NRG3: variants seen among roughly 807,000 people sequenced by gnomAD.
NRG3 encodes the protein pro-neuregulin-3, membrane-bound isoform.
A neutral mutation model predicts 66.9 loss-of-function variants in NRG3; 31 were observed. That is an observed-to-expected ratio of 0.46 (90% CI 0.35 to 0.63). The LOEUF (loss-of-function observed/expected upper bound fraction) is 0.63, where lower values mean the gene tolerates loss of function less well. Among genes scored for constraint, NRG3 ranks in the 20% least tolerant of loss-of-function variants. The pLI is 0.00. For synonymous variants in NRG3, 393 were observed against 359.4 expected (o/e 1.09, Z -1.06); for missense variants, 910 against 878.9 (o/e 1.04, Z -0.45).
intron 1 of NRG3, among the ~76,000 whole-genome samples, chr10:81,938,253 A>T (rs947663465): frequency 8.6e-5 from 13 of 152,014 alleles, no homozygotes; most frequent in Non-Finnish European, 1.9e-4. Context: ...TAAAAAAAAA[A>T]TTTCTGCAAA....
intron 2 of NRG3, among the ~76,000 whole-genome samples, chr10:82,501,980 G>A (rs1844235037): frequency 6.6e-6 from 1 of 152,132 alleles, no homozygotes; most frequent in Non-Finnish European, 1.5e-5. Flanking sequence ...GAGCCGCTCA[G>A]TGAATGATTG....
chr10:82,242,633 G>A (rs112222638), intron 1 of NRG3, among the ~76,000 whole-genome samples: 5,604 of 152,198 alleles, frequency 0.037, 161 homozygotes, highest in African/African-American at 0.08. Flanking sequence ...TTCAAAATTG[G>A]GGGAAGAGCT....
intron 1 of NRG3, among the ~76,000 whole-genome samples, chr10:82,275,233 A>C (rs1589555002): frequency 6.6e-6 from 1 of 151,982 alleles, no homozygotes; most frequent in Non-Finnish European, 1.5e-5. Context: ...TGCTCAGTCT[A>C]CCATCTTGAA....
chr10:82,938,418 C>G (rs533608981), intron 4 of NRG3, among the ~76,000 whole-genome samples: 2 of 152,308 alleles, frequency 1.3e-5, no homozygotes, highest in East Asian at 1.9e-4. Flanking sequence ...TATGCCTGCT[C>G]TATGCAGTCT....
At chr10:82,042,189 ATTTTTTTAAAAAAAT>A (rs1438070110) in intron 1 of NRG3, among the ~76,000 whole-genome samples, 1 of 152,050 alleles carries the variant, frequency 6.6e-6, no homozygotes, top group African/African-American at 2.4e-5. Context: ...AGAGAACAGA[ATTTTTTTAAAAAAAT>A]TTGAGTATAT....
intron 1 of NRG3, among the ~76,000 whole-genome samples, chr10:81,965,612 A>C (rs2059702756): frequency 6.6e-6 from 1 of 152,162 alleles, no homozygotes; most frequent in Admixed American, 6.5e-5. Flanking sequence ...TCATTTCCAT[A>C]ATTTTGTCCT....
intron 2 of NRG3, among the ~76,000 whole-genome samples, chr10:82,718,733 C>T (rs1034509093): frequency 1.1e-4 from 16 of 152,130 alleles, no homozygotes; most frequent in Admixed American, 7.2e-4. Flanking sequence ...TGACTTCTGC[C>T]GTTTCTACAT....
At chr10:82,109,355 A>C (rs1230151880) in intron 1 of NRG3, among the ~76,000 whole-genome samples, 1 of 152,190 alleles carries the variant, frequency 6.6e-6, no homozygotes, top group Non-Finnish European at 1.5e-5. Flanking sequence ...TGCAACAATC[A>C]TGACCATTTA....
intron 2 of NRG3, among the ~76,000 whole-genome samples, chr10:82,558,549 G>A (rs944455616): frequency 2.6e-5 from 4 of 152,076 alleles, no homozygotes; most frequent in Non-Finnish European, 2.9e-5. Context: ...GGGGTTCCTC[G>A]ATTGCATTAC....
chr10:82,297,692 GTTA>G (rs2080150998), intron 1 of NRG3, among the ~76,000 whole-genome samples: 1 of 151,804 alleles, frequency 6.6e-6, no homozygotes, highest in African/African-American at 2.4e-5. Flanking sequence ...ATAAATATAG[GTTA>G]TTATAACATA....
At chr10:81,977,619 A>G (rs910462824) in intron 1 of NRG3, among the ~76,000 whole-genome samples, 1 of 152,120 alleles carries the variant, frequency 6.6e-6, no homozygotes, top group Non-Finnish European at 1.5e-5. Context: ...TTTCCAAAAT[A>G]CTCTTTGTCA....
At chr10:82,884,264 A>G (rs1256422218) in intron 4 of NRG3, among the ~76,000 whole-genome samples, 5 of 152,138 alleles carry the variant, frequency 3.3e-5, no homozygotes, top group African/African-American at 1.2e-4. Context: ...ACTGTCTTTT[A>G]GCAACTTCTA....
chr10:82,876,554 C>T (rs955710849), intron 4 of NRG3, among the ~76,000 whole-genome samples: 1 of 152,174 alleles, frequency 6.6e-6, no homozygotes, highest in Non-Finnish European at 1.5e-5. Context: ...GGACATTGGA[C>T]TTATCAAATC....
chr10:82,241,733 A>C (rs2077014935), intron 1 of NRG3, among the ~76,000 whole-genome samples: 1 of 152,202 alleles, frequency 6.6e-6, no homozygotes, highest in Non-Finnish European at 1.5e-5. Context: ...TGGAGGTTAA[A>C]TTCCCCCAGT....
At chr10:81,928,287 A>C (rs1334569633) in intron 1 of NRG3, among the ~76,000 whole-genome samples, 1 of 152,250 alleles carries the variant, frequency 6.6e-6, no homozygotes, top group Middle Eastern at 3.4e-3. Context: ...TTTTACCAGA[A>C]TATCCAGAGC....
At chr10:82,741,162 C>T (rs909634434) in intron 3 of NRG3, among the ~76,000 whole-genome samples, 1 of 152,090 alleles carries the variant, frequency 6.6e-6, no homozygotes, top group African/African-American at 2.4e-5. Context: ...CATCCATGCA[C>T]ACGTGCATTT....
chr10:82,212,963 G>A (rs2075476419), intron 1 of NRG3, among the ~76,000 whole-genome samples: 1 of 152,138 alleles, frequency 6.6e-6, no homozygotes, highest in Non-Finnish European at 1.5e-5. Context: ...GATGCAATTA[G>A]CACAGACTGG....
chr10:82,068,285 G>A (rs980317424), intron 1 of NRG3, among the ~76,000 whole-genome samples: 3 of 152,174 alleles, frequency 2.0e-5, no homozygotes, highest in Admixed American at 6.6e-5. Context: ...GCCACTGCAC[G>A]TGATACAGAA....
At chr10:82,426,753 C>A (rs1462997349) in intron 2 of NRG3, among the ~76,000 whole-genome samples, 1 of 151,696 alleles carries the variant, frequency 6.6e-6, no homozygotes, top group Non-Finnish European at 1.5e-5. Context: ...CCAGCCTCAG[C>A]CTCCTGAATA....
Sources: gnomAD v4.1 joint callset for allele counts (sites outside exome capture counted in the v4.1 genomes callset) on GRCh38, gnomAD v4.1.1 for gene constraint, MANE v1.5 for transcripts, NCBI Gene and HGNC (gene_info 2026-07-23, HGNC 2026-07-21) for gene names.